BAIAP3: variants seen among roughly 807,000 people sequenced by gnomAD.
BAIAP3 encodes BAI1 associated protein 3.
A neutral mutation model predicts 149.7 loss-of-function variants in BAIAP3; 180 were observed. The ratio of observed to expected loss-of-function variants is 1.20; its 90% confidence interval spans 1.07 to 1.36. The LOEUF (loss-of-function observed/expected upper bound fraction) is 1.36. BAIAP3 is among the 40% of genes most tolerant of loss of function. The pLI is 0.00. For missense variants in BAIAP3, 1,767 were observed against 1,563.4 expected, an observed-to-expected ratio of 1.13 and a Z score of -2.20; for synonymous variants, 845 against 670.7, an observed-to-expected ratio of 1.26 and a Z score of -4.02.
At chr16:1,346,391 A>G in intron 25 of BAIAP3, 30 bp downstream of exon 25, 1 of 1,611,316 alleles carries the variant, frequency 6.2e-7, no homozygotes, top group Non-Finnish European at 8.5e-7. Context: ...CAAGGCGTGG[A>G]GGCAGTCCCT....
At position 1,346,492 on chromosome 16, in the gene BAIAP3, C is replaced by T. The variant is rs140109010; in HGVS notation, c.2544C>T (p.Asp848=). ...KYVQHISLSP[D]SIQNDEAVAP... ...TACAGCACATCAGTCTCTCGCCTGA[C>T]TCCATCCAGAACGATGAGGTGAGTG... The change falls in exon 26 of 34, where the codon GAC becomes GAT. Residue 848 remains aspartate (D), a synonymous_variant. Coordinates refer to ENST00000426824, the MANE Select transcript of BAIAP3 (RefSeq NM_001199097.2). 9.5e-5 allele frequency: 153 copies of T among 1,611,746 alleles called. No homozygotes were observed. In the African/African-American group the frequency reaches 1.8e-3, roughly 19 times the overall value.
rs577368164 is a variant in BAIAP3 at position 1,342,476 on chromosome 16, G to A, written c.958-51G>A. On this transcript the variant is annotated intron_variant, in intron 11 of 33. Coordinates refer to ENST00000426824, the MANE Select transcript of BAIAP3 (RefSeq NM_001199097.2). ...CTCCAGGGTCTCACAGAGTCAGTGT[G>A]GAAGGGGAGGGGGAGGAGTCTGGTG... 24 of 1,498,698 alleles carry A rather than the reference G, an allele frequency of 1.6e-5. No individual in the cohort carries two copies. In the African/African-American group the frequency reaches 2.8e-4, roughly 17 times the overall value. 92.8% of individuals were successfully genotyped at this position (1,498,698 alleles called of 1,614,324 possible).
intron 29 of BAIAP3, 59 bp downstream of exon 29, chr16:1,347,428 AGCCC>A: frequency 6.2e-7 from 1 of 1,600,192 alleles, no homozygotes; most frequent in South Asian, 1.1e-5. Flanking sequence ...TTCAAACTGC[AGCCC>A]CACACGGGCT....
rs754823300 is a variant in BAIAP3, at chr16:1,347,837, G to A, written c.3025+16G>A. On this transcript the variant is annotated intron_variant, in intron 31 of 33. Transcript: ENST00000426824. ...GACGCCAACGGTGAGTTGCAGCGGG[G>A]ACGGGTCGGGTGGTGGTGGGATGGG... is the stretch of plus-strand genomic sequence containing the variant. 1.2e-6 allele frequency: 2 copies of A among 1,603,990 alleles called. No individual in the cohort carries two copies. The highest frequency in any genetic ancestry group is 2.2e-5 in the South Asian group (2 of 90,768).
At position 1,345,847 on chromosome 16, in the gene BAIAP3, C is replaced by T. The variant is rs759740569; in HGVS notation, c.2165C>T (p.Pro722Leu). 3.2e-6 allele frequency: 5 copies of T among 1,580,154 alleles called. No homozygotes were observed. In the African/African-American group the frequency reaches 5.4e-5, roughly 17 times the overall value. The change falls in exon 23 of 34, where the codon CCT (proline) becomes CTT (leucine). Residue 722 changes from proline (P) to leucine (L), a missense_variant. Transcript: ENST00000426824. ...GAGTTGTGGGTGCGCCTGGCGTGGC[C>T]TGACCCTGCCCAGGCTCAGGGGCTG... The part of the protein sequence containing the change: ...IQELWVRLAW[P>L]DPAQAQGLGT...
chr16:1,339,413 C>A, intron 4 of BAIAP3, 83 bp from the exon 5 acceptor site: 1 of 1,492,928 alleles, frequency 6.7e-7, no homozygotes, highest in Non-Finnish European at 9.1e-7. Context: ...AGAGGTGGGG[C>A]CTGGGCTCAG....
rs866185784 is a variant in BAIAP3 at position 1,339,698 on chromosome 16, A to C, written c.408+95A>C. ...CACCATCATCACCCAAACAGTATGCAGAATCTCCCCGATCCGTGCACAGCA... is the reference window on the plus strand; with the variant it reads ...CACCATCATCACCCAAACAGTATGCCGAATCTCCCCGATCCGTGCACAGCA... On this transcript the variant is annotated intron_variant, in intron 5 of 33. Transcript: ENST00000426824. 5 of 994,834 alleles carry C rather than the reference A, an allele frequency of 5.0e-6. No homozygotes were observed. In the Middle Eastern group the frequency reaches 1.0e-3, roughly 201 times the overall value. The allele number at this position is 994,834 out of a possible 1,614,324, so 61.6% of individuals were successfully genotyped here.
At position 1,336,358 on chromosome 16, in the gene BAIAP3, G is replaced by T. The variant is rs79575281; in HGVS notation, c.-10-2182G>T. 40 of 985,396 alleles carry T rather than the reference G, an allele frequency of 4.1e-5. No homozygotes were observed. The East Asian group carries it at 1.4e-3, about 34-fold the overall frequency. The allele number at this position is 985,396 out of a possible 1,614,324, so 61.0% of individuals were successfully genotyped here. On this transcript the variant is annotated intron_variant, in intron 1 of 33. Transcript: ENST00000426824. ...CCTACCAAGCCCCCCCATCTTTTGG[G>T]GGGGAGGCTCACAGGGGAAGGCACT...
Position 1,342,710 on chromosome 16 carries a change from G to A in BAIAP3, c.1066-9G>A. 6.2e-7 allele frequency: 1 copy of A among 1,612,338 alleles called. No individual in the cohort carries two copies. The highest frequency in any genetic ancestry group is 2.2e-5 in the East Asian group (1 of 44,876). On this transcript the variant is annotated splice_polypyrimidine_tract_variant and intron_variant, in intron 12 of 33. Coordinates refer to ENST00000426824, the MANE Select transcript of BAIAP3 (RefSeq NM_001199097.2). ...CAGAGCTGGTGACTGGGTGGGCTCT[G>A]CGTTGCAGAGGGATACGGCCATGAG... is the stretch of plus-strand genomic sequence containing the variant.
chr16:1,339,486 C>T lies in BAIAP3; in HGVS notation c.301-10C>T, dbSNP rs1481371958. ...ACGCGGCACTGTGGCCGCCCTTCCC[C>T]CACCTGCAGGTGGAGATGCTCTACG... is the stretch of plus-strand genomic sequence containing the variant. On this transcript the variant is annotated splice_polypyrimidine_tract_variant and intron_variant, in intron 4 of 33. Transcript: ENST00000426824. 2 of 1,603,354 alleles carry T rather than the reference C, an allele frequency of 1.2e-6. No homozygotes were observed. The highest frequency in any genetic ancestry group is 1.3e-5 in the African/African-American group (1 of 74,730).
chr16:1,346,128 C>G (rs974101280), intron 24 of BAIAP3, 42 bp from the exon 25 acceptor site: 1 of 1,605,858 alleles, frequency 6.2e-7, no homozygotes. Context: ...GGGGCCATCA[C>G]CAGGCCCCGG....
intron 29 of BAIAP3, 31 bp downstream of exon 29, chr16:1,347,400 G>A (rs767236294): frequency 6.2e-7 from 1 of 1,609,946 alleles, no homozygotes; most frequent in East Asian, 2.2e-5. Context: ...GGGCGGGGGT[G>A]TGGATGAGGG....
Position 1,347,533 on chromosome 16 carries a change from T to G in BAIAP3, c.2824-12T>G. 1 of 1,598,728 alleles carries G rather than the reference T, an allele frequency of 6.3e-7. No homozygotes were observed. On this transcript the variant is annotated splice_polypyrimidine_tract_variant and intron_variant, in intron 29 of 33. Coordinates refer to ENST00000426824, the MANE Select transcript of BAIAP3 (RefSeq NM_001199097.2). ...CACCCAGGGGCCCCTCCTGATGCGC[T>G]TCCCCCTGCAGAGGCTGAAGGAGGA...
chr16:1,343,126 A>G (rs1314572768), intron 14 of BAIAP3, 110 bp downstream of exon 14: 1 of 1,159,810 alleles, frequency 8.6e-7, no homozygotes, highest in African/African-American at 1.5e-5. Context: ...TGGGGCAGGG[A>G]AAGGGGCGGT....
At position 1,349,080 on chromosome 16, in the gene BAIAP3, CTGG is replaced by C. The variant is rs2034581302; in HGVS notation, c.*603_*605del. ...CTGAGGCCAGGGACGTCACCCAAGG[CTGG>C]TGGTCAGTGTGAAGGGCTCCGTGCC... On this transcript the variant is annotated 3_prime_UTR_variant, in exon 34 of 34. Transcript: ENST00000426824. 3.0e-6 allele frequency: 1 copy of C among 334,448 alleles called. No homozygotes were observed. The highest frequency in any genetic ancestry group is 5.6e-6 in the Non-Finnish European group (1 of 177,574). The allele number at this position is 334,448 out of a possible 1,614,324, so 20.7% of individuals were successfully genotyped here.
chr16:1,340,791 C>CA, intron 5 of BAIAP3, 131 bp from the exon 6 acceptor site: 3 of 969,680 alleles, frequency 3.1e-6, no homozygotes, highest in Non-Finnish European at 4.7e-6. Flanking sequence ...GCCTCCCAGG[C>CA]TTCCCCCAAC....
chr16:1,336,529 ATC>A (rs1281090922), intron 1 of BAIAP3: 3 of 346,610 alleles, frequency 8.7e-6, no homozygotes, highest in African/African-American at 2.2e-5. Flanking sequence ...GGACCCTGGA[ATC>A]AAGACGAGAT....
chr16:1,336,074 C>T (rs562913739), intron 1 of BAIAP3: 8 of 289,082 alleles, frequency 2.8e-5, no homozygotes, highest in Admixed American at 6.5e-5. Flanking sequence ...TCCCCAACCC[C>T]GCAGTTCAGG....
chr16:1,343,029 A>C lies in BAIAP3; in HGVS notation c.1265+13A>C. The C allele has an allele frequency of 1.3e-6, 2 of 1,597,990 alleles. No individual in the cohort carries two copies. Among genetic ancestry groups the C allele is most frequent in the Non-Finnish European group, 1.7e-6 (2 of 1,176,610 alleles). On this transcript the variant is annotated intron_variant, in intron 14 of 33. Coordinates refer to ENST00000426824, the MANE Select transcript of BAIAP3 (RefSeq NM_001199097.2). ...AGCTGGCCGTGCTGTGAGTGGGTGG[A>C]GCTACGAGTGGGCGGGGAATGTGGG... is the stretch of plus-strand genomic sequence containing the variant.
Sources: allele counts gnomAD v4.1 joint callset, GRCh38; gene constraint gnomAD v4.1.1; transcripts MANE v1.5; gene names NCBI Gene and HGNC (gene_info 2026-07-23, HGNC 2026-07-21).